SGCZ: variants seen among roughly 807,000 people sequenced by gnomAD.
SGCZ encodes the protein zeta-sarcoglycan.
In SGCZ, 40 loss-of-function variants were observed where a neutral mutation model predicts 41.3. The ratio of observed to expected loss-of-function variants is 0.97; its 90% CI spans 0.75 to 1.26. SGCZ has a LOEUF of 1.26. Ranked by LOEUF, SGCZ falls within the 50% of genes most tolerant of loss-of-function variation. The pLI, the probability that SGCZ is intolerant of heterozygous loss-of-function variation, is 0.00. For synonymous variants in SGCZ, 206 were observed against 137.5 expected (o/e 1.50, Z -3.49); for missense variants, 552 against 369.8 (o/e 1.49, Z -4.04).
intron 4 of SGCZ, among the ~76,000 whole-genome samples, chr8:14,212,795 A>T (rs573350046): frequency 3.9e-5 from 6 of 152,294 alleles, no homozygotes; most frequent in South Asian, 2.1e-4. Flanking sequence ...CAATAATGAA[A>T]CTGTTTCAAT....
At chr8:14,481,102 T>C (rs1801522925) in intron 2 of SGCZ, among the ~76,000 whole-genome samples, 1 of 152,132 alleles carries the variant, frequency 6.6e-6, no homozygotes, top group African/African-American at 2.4e-5. Context: ...ATCCAGAATA[T>C]ATAAAGAATA....
At chr8:14,455,523 A>G (rs897315607) in intron 2 of SGCZ, among the ~76,000 whole-genome samples, 2 of 151,910 alleles carry the variant, frequency 1.3e-5, no homozygotes, top group African/African-American at 4.8e-5. Flanking sequence ...CTTTCAATAG[A>G]TAGATAATAC....
intron 1 of SGCZ, among the ~76,000 whole-genome samples, chr8:14,887,203 G>C (rs962665694): frequency 3.3e-5 from 5 of 152,038 alleles, no homozygotes; most frequent in African/African-American, 9.7e-5. Flanking sequence ...ATAAATTTTA[G>C]GGTCCTCATC....
intron 1 of SGCZ, among the ~76,000 whole-genome samples, chr8:14,579,265 G>A (rs1468585623): frequency 1.1e-4 from 16 of 152,036 alleles, no homozygotes; most frequent in Admixed American, 1.0e-3. Flanking sequence ...AGATACAAAG[G>A]AACAAGTGTG....
In SGCZ at chr8:15,099,273, A is replaced by C. The variant is rs900200514; in HGVS notation, c.39+138312T>G. On this transcript the variant is annotated intron_variant, in intron 1 of 7. Transcript: ENST00000382080. ...ATAGAGCAACCAAATATATATGTAA[A>C]AAAATACTAAAATGGAAATTACATC... Among the ~76,000 whole-genome samples the C allele has an allele frequency of 9.2e-5, 14 of 152,202 alleles. 1 individual carries two copies. The highest frequency in any genetic ancestry group is 3.4e-4 in the African/African-American group (14 of 41,444).
Position 14,597,946 on chromosome 8 carries a change from T to C in SGCZ, c.40-43020A>G, listed in dbSNP as rs1425388135. On this transcript the variant is annotated intron_variant, in intron 1 of 7. Coordinates refer to ENST00000382080, the MANE Select transcript of SGCZ (RefSeq NM_139167.4). ...TACAACCATCTCAATATTTATATTA[T>C]TTTCACGTATTCTTCATTGCAAATA... Among the ~76,000 whole-genome samples, 4 of 152,230 alleles carry C rather than the reference T, an allele frequency of 2.6e-5. No homozygotes were observed. In the East Asian group the frequency reaches 5.8e-4, roughly 22 times the overall value.
chr8:15,106,725 AT>A (rs1043940994), intron 1 of SGCZ, among the ~76,000 whole-genome samples: 24 of 151,896 alleles, frequency 1.6e-4, no homozygotes, highest in African/African-American at 3.9e-4. Context: ...TGTAATACTT[AT>A]TTTTTTTCTT....
intron 4 of SGCZ, among the ~76,000 whole-genome samples, chr8:14,186,749 A>G (rs1804915693): frequency 6.6e-6 from 1 of 152,186 alleles, no homozygotes; most frequent in South Asian, 2.1e-4. Context: ...AGAAGTTCAA[A>G]CCTAAAAGTA....
chr8:14,995,395 C>T (rs139379853), intron 1 of SGCZ, among the ~76,000 whole-genome samples: 28 of 152,186 alleles, frequency 1.8e-4, no homozygotes, highest in African/African-American at 3.4e-4. Flanking sequence ...TCTTGGGAGA[C>T]GATTAATAGG....
At chr8:14,755,430 G>GT (rs1799633660) in intron 1 of SGCZ, among the ~76,000 whole-genome samples, 1 of 80,496 alleles carries the variant, frequency 1.2e-5, no homozygotes, top group African/African-American at 5.6e-5. Flanking sequence ...AGTGTCAGCT[G>GT]GTTTTTCATA....
chr8:14,725,776 T>C (rs1368684474), intron 1 of SGCZ, among the ~76,000 whole-genome samples: 1 of 152,168 alleles, frequency 6.6e-6, no homozygotes. Context: ...GAACACCCCA[T>C]GTACTAATTA....
chr8:14,349,977 C>A (rs780636113), intron 2 of SGCZ, among the ~76,000 whole-genome samples: 36 of 152,014 alleles, frequency 2.4e-4, no homozygotes, highest in Non-Finnish European at 1.5e-5. Context: ...TCCAAATTTA[C>A]TGGCAAATTA....
chr8:14,880,892 C>A (rs1334845216), intron 1 of SGCZ, among the ~76,000 whole-genome samples: 1 of 151,818 alleles, frequency 6.6e-6, no homozygotes, highest in African/African-American at 2.4e-5. Context: ...CAACATGGCA[C>A]ATGTATACAT....
chr8:14,298,866 G>A (rs1463962782), intron 3 of SGCZ, among the ~76,000 whole-genome samples: 1 of 151,886 alleles, frequency 6.6e-6, no homozygotes, highest in Non-Finnish European at 1.5e-5. Flanking sequence ...GAACTAAAAA[G>A]AACCTAGAAC....
At chr8:14,231,950 T>C (rs1244073581) in intron 4 of SGCZ, among the ~76,000 whole-genome samples, 1 of 152,096 alleles carries the variant, frequency 6.6e-6, no homozygotes, top group Non-Finnish European at 1.5e-5. Context: ...CATTTACTAA[T>C]AGAAACTTTA....
At position 15,236,618 on chromosome 8, in the gene SGCZ, G is replaced by A. The variant is rs1478357083; in HGVS notation, c.39+967C>T. ...GTTTACGGTGAGCGGGACATTTAAAGTATTTTGTGGTTTGTTGGTTTTTTA... is the reference window on the plus strand; with the variant it reads ...GTTTACGGTGAGCGGGACATTTAAAATATTTTGTGGTTTGTTGGTTTTTTA... On this transcript the variant is annotated intron_variant, in intron 1 of 7. Transcript: ENST00000382080. Among the ~76,000 whole-genome samples, 7 of 152,264 alleles carry A rather than the reference G, an allele frequency of 4.6e-5. 1 individual carries two copies. The South Asian group carries it at 1.5e-3, about 32-fold the overall frequency.
chr8:14,227,073 C>G (rs7816456), intron 4 of SGCZ, among the ~76,000 whole-genome samples: 90,652 of 151,770 alleles, frequency 0.6, 27,395 homozygotes, highest in East Asian at 0.76. Flanking sequence ...GGTGAGCAAT[C>G]AGCCCGCAAG....
intron 2 of SGCZ, among the ~76,000 whole-genome samples, chr8:14,476,107 T>C (rs1378584402): frequency 6.6e-6 from 1 of 152,152 alleles, no homozygotes; most frequent in African/African-American, 2.4e-5. Context: ...TGGTTATTCT[T>C]ATGAGTCAAC....
intron 1 of SGCZ, among the ~76,000 whole-genome samples, chr8:15,114,480 A>C (rs1410551681): frequency 6.6e-6 from 1 of 152,232 alleles, no homozygotes; most frequent in African/African-American, 2.4e-5. Flanking sequence ...GATTTATAAA[A>C]TGGTTCAAAA....
Sources: gnomAD v4.1 joint callset for allele counts (sites outside exome capture counted in the v4.1 genomes callset) on GRCh38, gnomAD v4.1.1 for gene constraint, MANE v1.5 for transcripts, NCBI Gene and HGNC (gene_info 2026-07-23, HGNC 2026-07-21) for gene names.